The following PTPRK variants were observed in gnomAD, a reference collection of about 807,000 sequenced individuals.
The protein encoded by PTPRK is protein tyrosine phosphatase receptor type K, also known as receptor-type tyrosine-protein phosphatase kappa.
Under a neutral mutation model 178.0 loss-of-function variants are expected in PTPRK, and 75 were observed. The ratio of observed to expected loss-of-function variants is 0.42; its 90% CI spans 0.35 to 0.51. The LOEUF (loss-of-function observed/expected upper bound fraction) is 0.51, where lower values mean the gene tolerates loss of function less well. Among genes scored for constraint, PTPRK ranks in the 20% least tolerant of loss-of-function variants. PTPRK has a pLI of 0.02. For missense variants in PTPRK, 1,441 were observed against 1,797.8 expected, an observed-to-expected ratio of 0.80 and a Z score of 3.59; for synonymous variants, 637 against 620.6, an observed-to-expected ratio of 1.03 and a Z score of -0.39.
intron 11 of PTPRK, among the ~76,000 whole-genome samples, chr6:128,068,655 T>C (rs1438899560): frequency 6.6e-6 from 1 of 151,830 alleles, no homozygotes; most frequent in Non-Finnish European, 1.5e-5. Context: ...ATATTAACAA[T>C]ATTCTTTTTT....
At chr6:128,299,584 T>C (rs1417209978) in intron 3 of PTPRK, among the ~76,000 whole-genome samples, 2 of 151,818 alleles carry the variant, frequency 1.3e-5, no homozygotes, top group Admixed American at 6.6e-5. Context: ...TACAACTATC[T>C]GATCTTTGAC....
At chr6:128,247,355 T>C (rs1815660358) in intron 3 of PTPRK, among the ~76,000 whole-genome samples, 1 of 152,208 alleles carries the variant, frequency 6.6e-6, no homozygotes, top group African/African-American at 2.4e-5. Context: ...ATTCTTGGTC[T>C]GTCACACAGG....
intron 5 of PTPRK, among the ~76,000 whole-genome samples, chr6:128,231,550 A>C (rs1450550277): frequency 6.6e-6 from 1 of 152,220 alleles, no homozygotes; most frequent in Non-Finnish European, 1.5e-5. Context: ...AGGCACCAAC[A>C]GTTTTCCCAT....
intron 7 of PTPRK, among the ~76,000 whole-genome samples, chr6:128,099,817 G>A (rs998897900): frequency 6.6e-6 from 1 of 152,008 alleles, no homozygotes; most frequent in Non-Finnish European, 1.5e-5. Flanking sequence ...TTAACAGCTT[G>A]CAGATCCTTC....
At chr6:128,016,919 C>T (rs1481945284) in intron 13 of PTPRK, among the ~76,000 whole-genome samples, 6 of 152,050 alleles carry the variant, frequency 3.9e-5, no homozygotes, top group Admixed American at 6.6e-5. Context: ...CTGGATTTTC[C>T]ATTTTATTCT....
chr6:128,373,385 C>T (rs1286073386), intron 2 of PTPRK, among the ~76,000 whole-genome samples: 4 of 152,206 alleles, frequency 2.6e-5, no homozygotes, highest in African/African-American at 4.8e-5. Context: ...TCCTCACACA[C>T]AATGCCTTGG....
chr6:128,128,552 C>T (rs1342911905), intron 7 of PTPRK, among the ~76,000 whole-genome samples: 1 of 152,178 alleles, frequency 6.6e-6, no homozygotes, highest in African/African-American at 2.4e-5. Flanking sequence ...GCAAAATCTG[C>T]ACAATACTGT....
chr6:128,310,603 T>C (rs1331069719), intron 3 of PTPRK, among the ~76,000 whole-genome samples: 1 of 152,170 alleles, frequency 6.6e-6, no homozygotes, highest in East Asian at 1.9e-4. Flanking sequence ...TTTGCTGCAC[T>C]GTGAAGGCAG....
rs561507375 is a variant in PTPRK, at chr6:128,248,397, T to A, written c.496-5795A>T. On this transcript the variant is annotated intron_variant, in intron 3 of 29. Coordinates refer to ENST00000368226, the MANE Select transcript of PTPRK (RefSeq NM_002844.4). ...ACAAGATGTGTCCTCAATCTTTCAC[T>A]CTCTTTGCCCTATACTTTCAACTCT... 2.2e-4 allele frequency among the ~76,000 whole-genome samples: 33 copies of A among 152,294 alleles called. 1 individual carries two copies. The South Asian group carries it at 4.6e-3, about 21-fold the overall frequency.
Position 128,410,694 on chromosome 6 carries a change from T to C in PTPRK, c.101-13006A>G, listed in dbSNP as rs564726008. Among the ~76,000 whole-genome samples, 227 of 152,240 alleles carry C rather than the reference T, an allele frequency of 1.5e-3. 1 individual carries two copies. Among genetic ancestry groups the C allele is most frequent in the African/African-American group, 5.1e-3 (212 of 41,540 alleles). On this transcript the variant is annotated intron_variant, in intron 1 of 29. Coordinates refer to ENST00000368226, the MANE Select transcript of PTPRK (RefSeq NM_002844.4). ...TCTACTGAATCTGACTCAACGGCATTAACTGCATCTCCAAGGGTGAAGTGA... is the reference window on the plus strand; with the variant it reads ...TCTACTGAATCTGACTCAACGGCATCAACTGCATCTCCAAGGGTGAAGTGA...
chr6:128,106,610 T>C (rs1003873284), intron 7 of PTPRK, among the ~76,000 whole-genome samples: 5 of 152,168 alleles, frequency 3.3e-5, no homozygotes, highest in Non-Finnish European at 7.4e-5. Context: ...ACACAAAGCT[T>C]TTCCTCTAAA....
intron 6 of PTPRK, among the ~76,000 whole-genome samples, chr6:128,190,470 T>C (rs1009587709): frequency 6.2e-5 from 9 of 144,960 alleles, no homozygotes; most frequent in Admixed American, 4.1e-4. Context: ...CTTAAACCCA[T>C]CAATTCAAGT....
intron 29 of PTPRK, among the ~76,000 whole-genome samples, chr6:127,970,670 G>A (rs1456419993): frequency 6.6e-6 from 1 of 151,994 alleles, no homozygotes; most frequent in Non-Finnish European, 1.5e-5. Flanking sequence ...AGAAGAAATT[G>A]TTAAAATATC....
chr6:128,503,284 C>T (rs1855831148), intron 1 of PTPRK, among the ~76,000 whole-genome samples: 1 of 152,062 alleles, frequency 6.6e-6, no homozygotes, highest in African/African-American at 2.4e-5. Flanking sequence ...AAACATTTAC[C>T]ACCATCGCTA....
intron 2 of PTPRK, among the ~76,000 whole-genome samples, chr6:128,336,770 C>T (rs532621331): frequency 6.6e-6 from 1 of 152,290 alleles, no homozygotes; most frequent in African/African-American, 2.4e-5. Flanking sequence ...TTTTCCTTTA[C>T]AATGATCCTA....
At chr6:128,185,432 A>G (rs1802593897) in intron 6 of PTPRK, among the ~76,000 whole-genome samples, 1 of 152,172 alleles carries the variant, frequency 6.6e-6, no homozygotes. Flanking sequence ...GTACTTACAG[A>G]AAAGTTGAAT....
chr6:128,519,465 C>A lies in PTPRK; in HGVS notation c.100+794G>T, dbSNP rs905420921. ...CCAGCCCCAGGCCGGATCCGGGGAG[C>A]GCGGGGCCAGAGCCCCAGGCCGGAT... is the stretch of plus-strand genomic sequence containing the variant. On this transcript the variant is annotated intron_variant, in intron 1 of 29. Coordinates refer to ENST00000368226, the MANE Select transcript of PTPRK (RefSeq NM_002844.4). This position sits in a 1 kb window ranked among gnomAD's most constrained non-coding sequence, Gnocchi z 4.3. Among the ~76,000 whole-genome samples the A allele has an allele frequency of 2.0e-5, 3 of 151,914 alleles. No homozygotes were observed. The highest frequency in any genetic ancestry group is 2.9e-5 in the Non-Finnish European group (2 of 67,982).
chr6:128,493,591 T>TACACACAC lies in PTPRK; in HGVS notation c.100+26660_100+26667dup, dbSNP rs59656384. On this transcript the variant is annotated intron_variant, in intron 1 of 29. Transcript: ENST00000368226. ...AAAAAAAAAAGTACCTCCCGCCCCC[T>TACACACAC]ACACACACACACACACACACACACA... 4.1e-3 allele frequency among the ~76,000 whole-genome samples: 510 copies of TACACACAC among 124,018 alleles called. 8 individuals are homozygous for TACACACAC. The highest frequency in any genetic ancestry group is 0.012 in the African/African-American group (372 of 32,244). 81.4% of individuals were successfully genotyped at this position (124,018 alleles called of 152,430 possible).
At chr6:128,160,629 C>T (rs1273445045) in intron 7 of PTPRK, among the ~76,000 whole-genome samples, 1 of 151,630 alleles carries the variant, frequency 6.6e-6, no homozygotes, top group South Asian at 2.1e-4. Flanking sequence ...CTTACTCTTG[C>T]TTTCCTAAAT....
Sources: allele counts gnomAD v4.1 joint callset (sites outside exome capture counted in the v4.1 genomes callset), GRCh38; gene constraint gnomAD v4.1.1; non-coding constraint Gnocchi (gnomAD v3.1); transcripts MANE v1.5; gene names NCBI Gene and HGNC (gene_info 2026-07-23, HGNC 2026-07-21).